Variants in RGS10 observed in about 807,000 individuals in gnomAD.
RGS10 encodes regulator of G-protein signalling 10.
Under a neutral mutation model 23.5 loss-of-function variants are expected in RGS10, and 11 were observed. That is an observed-to-expected ratio of 0.47 (90% CI 0.29 to 0.77). RGS10 has a LOEUF of 0.77. RGS10 is among the 30% of genes least tolerant of loss of function. The pLI is 0.08. For missense variants in RGS10, 180 were observed against 226.3 expected, an observed-to-expected ratio of 0.80 and a Z score of 1.31; for synonymous variants, 77 against 83.2, an observed-to-expected ratio of 0.92 and a Z score of 0.41.
Position 119,508,916 on chromosome 10 carries a change from G to A in RGS10, c.399+6593C>T, listed in dbSNP as rs540823002. Among the ~76,000 whole-genome samples the A allele has an allele frequency of 3.6e-4, 54 of 152,060 alleles. No homozygotes were observed. The South Asian group carries it at 7.7e-3, about 22-fold the overall frequency. ...GTTCAAGACCGGCCTGGGCAACATA[G>A]TAAGACCCCATCCCTAGAAAAATAT... On this transcript the variant is annotated intron_variant, in intron 4 of 4. Coordinates refer to ENST00000369103, the MANE Select transcript of RGS10 (RefSeq NM_001005339.2).
In RGS10 at chr10:119,517,436, G is replaced by T. The variant is rs535830449; in HGVS notation, c.256-1784C>A. On this transcript the variant is annotated intron_variant, in intron 3 of 4. Coordinates refer to ENST00000369103, the MANE Select transcript of RGS10 (RefSeq NM_001005339.2). The surrounding 1 kb of genome is among the most constrained non-coding windows in gnomAD (Gnocchi z 5.0). ...GGGGGCCATCCTCGAGACCCAAGGG[G>T]GTGGCACTTAGGAGCTGGCCCTGCT... 7.9e-5 allele frequency among the ~76,000 whole-genome samples: 12 copies of T among 152,218 alleles called. No individual in the cohort carries two copies. The East Asian group carries it at 2.3e-3, about 29-fold the overall frequency.
chr10:119,528,871 TAA>T (rs1844305925), intron 1 of RGS10, among the ~76,000 whole-genome samples: 1 of 151,754 alleles, frequency 6.6e-6, no homozygotes, highest in Non-Finnish European at 1.5e-5. Flanking sequence ...AATAAATAAA[TAA>T]ATATCATTAT....
Position 119,526,031 on chromosome 10 carries a change from C to G in RGS10, c.255+1G>C. 6.5e-7 allele frequency: 1 copy of G among 1,537,096 alleles called. No homozygotes were observed. Among genetic ancestry groups the G allele is most frequent in the Non-Finnish European group, 8.9e-7 (1 of 1,128,292 alleles). ...AAAAATTATCAGAGTGGAGGAAATACCTGCGTCTTATCTTGCATTTTCTTA... is the reference window on the plus strand; with the variant it reads ...AAAAATTATCAGAGTGGAGGAAATAGCTGCGTCTTATCTTGCATTTTCTTA... On this transcript the variant is annotated splice_donor_variant, in intron 3 of 4. Coordinates refer to ENST00000369103, the MANE Select transcript of RGS10 (RefSeq NM_001005339.2). LOFTEE classifies it high-confidence loss of function.
intron 4 of RGS10, among the ~76,000 whole-genome samples, chr10:119,512,554 A>AT (rs1554857288): frequency 2.4e-3 from 355 of 146,538 alleles, no homozygotes; most frequent in African/African-American, 4.1e-3. Flanking sequence ...ATTAAAAAAA[A>AT]TTTTTTTTTT....
At chr10:119,539,536 G>A (rs958393091) in intron 1 of RGS10, among the ~76,000 whole-genome samples, 2 of 152,176 alleles carry the variant, frequency 1.3e-5, no homozygotes, top group African/African-American at 2.4e-5. Flanking sequence ...ACAGAATCCC[G>A]TTGGGGGACC....
At chr10:119,501,477 C>G (rs1223667497) in intron 4 of RGS10, among the ~76,000 whole-genome samples, 1 of 152,164 alleles carries the variant, frequency 6.6e-6, no homozygotes, top group Non-Finnish European at 1.5e-5. Context: ...AATCCCAGCA[C>G]TTTGGGAGGT....
At chr10:119,516,227 G>A (rs965398754) in intron 3 of RGS10, 1 of 147,052 alleles carries the variant, frequency 6.8e-6, no homozygotes, top group Non-Finnish European at 1.5e-5. Context: ...ACTCCAGCCT[G>A]GGTGACAGAG....
chr10:119,526,233 A>AT, intron 2 of RGS10, 115 bp from the exon 3 acceptor site: 1 of 523,448 alleles, frequency 1.9e-6, no homozygotes, highest in South Asian at 3.6e-5. Flanking sequence ...AGCATGGTTC[A>AT]GTTACTCTTC....
intron 4 of RGS10, chr10:119,515,279 G>C (rs975215500): frequency 1.3e-5 from 7 of 549,516 alleles, no homozygotes; most frequent in Non-Finnish European, 2.0e-5. Flanking sequence ...GGTCTAAACT[G>C]TGTGTAGACC....
At chr10:119,503,676 C>T (rs974637028) in intron 4 of RGS10, among the ~76,000 whole-genome samples, 1 of 152,180 alleles carries the variant, frequency 6.6e-6, no homozygotes, top group South Asian at 2.1e-4. Flanking sequence ...CCTCACAGTT[C>T]TGGAGGCTAG....
chr10:119,500,285 TG>T (rs1476318418), intron 4 of RGS10, 26 bp from the exon 5 acceptor site: 1 of 1,598,950 alleles, frequency 6.3e-7, no homozygotes, highest in Non-Finnish European at 8.5e-7. Flanking sequence ...AAAAAGAGTC[TG>T]AAGGCTGAGG....
At chr10:119,500,776 C>T (rs1843943709) in intron 4 of RGS10, among the ~76,000 whole-genome samples, 1 of 151,288 alleles carries the variant, frequency 6.6e-6, no homozygotes, top group Admixed American at 6.6e-5. Context: ...GGCGTGCTCA[C>T]TGCAGGGCAG....
At chr10:119,512,547 A>T (rs1844090447) in intron 4 of RGS10, among the ~76,000 whole-genome samples, 1 of 5,512 alleles carries the variant, frequency 1.8e-4, no homozygotes, top group South Asian at 2.0e-3. Flanking sequence ...CTATGCAATT[A>T]AAAAAAATTT....
intron 3 of RGS10, among the ~76,000 whole-genome samples, chr10:119,519,361 C>G (rs1844183693): frequency 8.2e-6 from 1 of 121,900 alleles, no homozygotes; most frequent in Non-Finnish European, 1.6e-5. Context: ...CTGTATCTGT[C>G]CCCCAGCTCC....
At position 119,500,088 on chromosome 10, in the gene RGS10, C is replaced by G. The variant is rs770072724; in HGVS notation, c.*25G>C. Reference sequence around the variant, plus strand: ...GAGGAAATTCCTTTGCTTCTTAAAGCTGCCAGTCCCGGCTTTTTGGGGGCT... The same window carrying G: ...GAGGAAATTCCTTTGCTTCTTAAAGGTGCCAGTCCCGGCTTTTTGGGGGCT... On this transcript the variant is annotated 3_prime_UTR_variant, in exon 5 of 5. Transcript: ENST00000369103. 2.5e-6 allele frequency: 4 copies of G among 1,606,874 alleles called. No individual in the cohort carries two copies. In the South Asian group the frequency reaches 4.5e-5, roughly 18 times the overall value.
rs559352265 is a variant in RGS10 at position 119,513,322 on chromosome 10, T to C, written c.399+2187A>G. On this transcript the variant is annotated intron_variant, in intron 4 of 4. Coordinates refer to ENST00000369103, the MANE Select transcript of RGS10 (RefSeq NM_001005339.2). ...AAAAAATACAAAAATTAGCTGGGCATGGTGGCACACACCTGTAGTCTCAGC... is the reference window on the plus strand; with the variant it reads ...AAAAAATACAAAAATTAGCTGGGCACGGTGGCACACACCTGTAGTCTCAGC... Among the ~76,000 whole-genome samples the C allele has an allele frequency of 1.4e-4, 21 of 152,190 alleles. No homozygotes were observed. The South Asian group carries it at 4.4e-3, about 32-fold the overall frequency.
chr10:119,536,322 GCCAAGTGCT>G, intron 1 of RGS10: 1 of 634,686 alleles, frequency 1.6e-6, no homozygotes, highest in South Asian at 2.3e-5. Flanking sequence ...CTCACAGAAA[GCCAAGTGCT>G]CCTACTGGCC....
In RGS10 at chr10:119,524,152, T is replaced by C. The variant is rs1212378661; in HGVS notation, c.255+1880A>G. On this transcript the variant is annotated intron_variant, in intron 3 of 4. Coordinates refer to ENST00000369103, the MANE Select transcript of RGS10 (RefSeq NM_001005339.2). This position sits in a 1 kb window ranked among gnomAD's most constrained non-coding sequence, Gnocchi z 5.2. ...CTTCCCATCTCTACACTCATTGCACTTGCACAGGCTTGCTCCCCTTGAGGT... is the reference window on the plus strand; with the variant it reads ...CTTCCCATCTCTACACTCATTGCACCTGCACAGGCTTGCTCCCCTTGAGGT... Among the ~76,000 whole-genome samples the C allele has an allele frequency of 5.9e-5, 9 of 152,200 alleles. No individual in the cohort carries two copies.
chr10:119,513,942 A>G (rs1021283524), intron 4 of RGS10, among the ~76,000 whole-genome samples: 2 of 152,228 alleles, frequency 1.3e-5, no homozygotes, highest in African/African-American at 4.8e-5. Context: ...GCTAAAAAAA[A>G]CACTTAATCT....
Sources: gnomAD v4.1 joint callset for allele counts (sites outside exome capture counted in the v4.1 genomes callset) on GRCh38, gnomAD v4.1.1 for gene constraint, Gnocchi (gnomAD v3.1) non-coding constraint, MANE v1.5 for transcripts, NCBI Gene and HGNC (gene_info 2026-07-23, HGNC 2026-07-21) for gene names.